Variants in EPG5 observed in about 807,000 individuals in gnomAD.
The protein encoded by EPG5 is ectopic P-granules 5 autophagy tethering factor.
A neutral mutation model predicts 302.7 loss-of-function variants in EPG5; 159 were observed. The observed-to-expected ratio is 0.53, with a 90% CI of 0.46 to 0.60. The LOEUF (loss-of-function observed/expected upper bound fraction) is 0.60, where lower values mean the gene tolerates loss of function less well. EPG5 is among the 20% of genes least tolerant of loss of function. The pLI, the probability that EPG5 is intolerant of heterozygous loss-of-function variation, is 0.00. For missense variants in EPG5, 2,896 were observed against 3,092.4 expected (o/e 0.94, Z 1.51); for synonymous variants, 1,158 against 1,136.8 (o/e 1.02, Z -0.37).
At chr18:45,920,296 C>T (rs1291764441) in intron 16 of EPG5, among the ~76,000 whole-genome samples, 1 of 152,178 alleles carries the variant, frequency 6.6e-6, no homozygotes, top group African/African-American at 2.4e-5. Flanking sequence ...CAATAAAACA[C>T]AGTGAGTGTG....
At chr18:45,919,674 G>A (rs1173107405) in intron 16 of EPG5, among the ~76,000 whole-genome samples, 14 of 151,960 alleles carry the variant, frequency 9.2e-5, no homozygotes, top group South Asian at 2.1e-4. Context: ...CACCACGCCC[G>A]GCTAATTTTT....
intron 11 of EPG5, among the ~76,000 whole-genome samples, chr18:45,931,876 T>C (rs2050404398): frequency 6.6e-6 from 1 of 150,762 alleles, no homozygotes; most frequent in Non-Finnish European, 1.5e-5. Flanking sequence ...TATATACATA[T>C]ATATATATAT....
chr18:45,817,741 G>T, the EPG5 span, among the ~76,000 whole-genome samples: 2 of 152,226 alleles, frequency 1.3e-5, no homozygotes, highest in African/African-American at 2.4e-5. Context: ...TTCCTCCAGA[G>T]TAACAAAAGA....
rs1172741057 is a variant in EPG5 at position 45,876,276 on chromosome 18, C to T, written c.6009G>A (p.Leu2003=). ...DTVVASSIVQ[L]FTDCIDSLHE... The stretch of plus-strand genomic sequence containing the variant: ...GCAGTGAGTCAATACAGTCAGTGAA[C>T]AGCTGCACAATGCTTGAGGCCACCA... The change falls in exon 35 of 44, where the codon CTG becomes CTA. Residue 2003 remains leucine, a synonymous_variant. Transcript: ENST00000282041. 2.5e-6 allele frequency: 4 copies of T among 1,614,048 alleles called. No individual in the cohort carries two copies. Among genetic ancestry groups the T allele is most frequent in the Non-Finnish European group, 2.5e-6 (3 of 1,179,930 alleles).
intron 13 of EPG5, among the ~76,000 whole-genome samples, chr18:45,926,306 T>C (rs2050266489): frequency 6.6e-6 from 1 of 151,982 alleles, no homozygotes; most frequent in African/African-American, 2.4e-5. Context: ...TTCCAAGCCA[T>C]CCAGGCCGGG....
At chr18:45,854,671 G>A (rs1052656137) in intron 43 of EPG5, among the ~76,000 whole-genome samples, 2 of 152,092 alleles carry the variant, frequency 1.3e-5, no homozygotes, top group African/African-American at 4.8e-5. Flanking sequence ...ACCAACCTCA[G>A]CAACAAAGCG....
chr18:45,812,090 T>A, the EPG5 span, among the ~76,000 whole-genome samples: 5 of 152,308 alleles, frequency 3.3e-5, no homozygotes, highest in African/African-American at 9.6e-5. Flanking sequence ...AAAATCGATC[T>A]GCAAAAATCA....
At chr18:45,817,709 T>C in the EPG5 span, among the ~76,000 whole-genome samples, 2 of 152,194 alleles carry the variant, frequency 1.3e-5, no homozygotes, top group African/African-American at 4.8e-5. Flanking sequence ...TGCTTGAGAG[T>C]CCTCATGACA....
the EPG5 span, among the ~76,000 whole-genome samples, chr18:45,828,729 C>T: frequency 6.6e-6 from 1 of 152,232 alleles, no homozygotes; most frequent in African/African-American, 2.4e-5. Flanking sequence ...ACCTCTCCCG[C>T]ACCCTCCTGC....
chr18:45,916,121 T>G lies in EPG5; in HGVS notation c.3470A>C (p.His1157Pro). The G allele has an allele frequency of 6.2e-7, 1 of 1,614,200 alleles. No homozygotes were observed. Among genetic ancestry groups the G allele is most frequent in the Non-Finnish European group, 8.5e-7 (1 of 1,180,034 alleles). ...GATAGGTTGTTCTCGGTACCAGAGA[T>G]GCTGGCTTATGAGAGCCTGAACCCA... is the stretch of plus-strand genomic sequence containing the variant. ...EFWVQALISQ[H>P]LWYREQPILF... The change falls in exon 19 of 44, where the codon CAT becomes CCT. Residue 1157 changes from histidine to proline, a missense_variant. His to Pro is a moderately conservative substitution (Grantham distance 77). Around this residue, in one of 5 missense-constraint regions of EPG5, gnomAD observed 1,390 missense variants for 1,430.0 expected, o/e 0.97. Transcript: ENST00000282041.
At chr18:45,940,419 C>T (rs887092902) in intron 9 of EPG5, among the ~76,000 whole-genome samples, 4 of 152,274 alleles carry the variant, frequency 2.6e-5, no homozygotes, top group African/African-American at 9.6e-5. Context: ...TCATAAGGAA[C>T]ACTGGCTGTT....
chr18:45,866,649 C>A, intron 38 of EPG5, 149 bp downstream of exon 38: 1 of 670,602 alleles, frequency 1.5e-6, no homozygotes, highest in Non-Finnish European at 2.6e-6. Flanking sequence ...CCCAAAAGAT[C>A]TACAAGGCCA....
downstream of EPG5, among the ~76,000 whole-genome samples, chr18:45,846,813 T>C (rs2048368928): frequency 6.6e-6 from 1 of 152,192 alleles, no homozygotes; most frequent in South Asian, 2.1e-4. Flanking sequence ...TTGCCCTTTT[T>C]TTTGGTTATT....
intron 41 of EPG5, 127 bp downstream of exon 41, chr18:45,858,438 CA>C (rs2048562675): frequency 2.9e-6 from 2 of 697,640 alleles, no homozygotes; most frequent in Admixed American, 2.9e-5. Flanking sequence ...AAACAACTGT[CA>C]CCATACCTTA....
chr18:45,840,759 G>A, the EPG5 span: 1 of 152,976 alleles, frequency 6.5e-6, no homozygotes, highest in Non-Finnish European at 1.5e-5. Context: ...GCCTGATCCT[G>A]GCAGAGGGTA....
chr18:45,808,266 T>C, the EPG5 span, among the ~76,000 whole-genome samples: 1 of 152,170 alleles, frequency 6.6e-6, no homozygotes, highest in Non-Finnish European at 1.5e-5. Context: ...TCAGTGTTCC[T>C]GAGGAAGAAC....
intron 1 of EPG5, among the ~76,000 whole-genome samples, chr18:45,955,702 C>G (rs1266042063): frequency 6.6e-6 from 1 of 152,138 alleles, no homozygotes; most frequent in Non-Finnish European, 1.5e-5. Flanking sequence ...TCTTCAGCCA[C>G]AATAGGTTTG....
chr18:45,938,430 C>A (rs2050585523), intron 10 of EPG5, among the ~76,000 whole-genome samples: 1 of 150,598 alleles, frequency 6.6e-6, no homozygotes, highest in African/African-American at 2.5e-5. Context: ...CTACTACACT[C>A]CAGCCTGGGC....
chr18:45,838,025 AC>A, the EPG5 span: 2 of 1,195,628 alleles, frequency 1.7e-6, no homozygotes, highest in Non-Finnish European at 2.2e-6. Flanking sequence ...CCTCTCCTCT[AC>A]CCCAGGGATC....
Sources: allele counts gnomAD v4.1 joint callset (sites outside exome capture counted in the v4.1 genomes callset), GRCh38; gene constraint gnomAD v4.1.1; regional missense constraint gnomAD v4.1.1; transcripts MANE v1.5; gene names NCBI Gene and HGNC (gene_info 2026-07-23, HGNC 2026-07-21).